Variants in ZNF207 observed in about 807,000 individuals in gnomAD.
ZNF207 encodes the protein zinc finger protein 207, also known as BUB3-interacting and GLEBS motif-containing protein ZNF207.
A neutral mutation model predicts 60.2 loss-of-function variants in ZNF207; 24 were observed. The observed-to-expected ratio is 0.40, with a 90% CI of 0.29 to 0.56. ZNF207 has a LOEUF of 0.56. ZNF207 is among the 20% of genes least tolerant of loss of function. The pLI, the probability that ZNF207 is intolerant of heterozygous loss-of-function variation, is 0.49. For missense variants in ZNF207, 452 were observed against 636.6 expected (o/e 0.71, Z 3.12); for synonymous variants, 236 against 194.7 (o/e 1.21, Z -1.77).
chr17:32,362,967 T>G lies in ZNF207; in HGVS notation c.653T>G (p.Met218Arg). The change falls in exon 7 of 12, where the codon ATG becomes AGG. Residue 218 changes from methionine (M) to arginine (R), a missense_variant. Transcript: ENST00000394670. ...MPPGPGIPPL[M>R]PGMPPGMPPP... is the part of the protein sequence containing the mutation. ...CCTGGACCAGGAATACCACCTCTGATGCCTGGAATGCCACCAGGTATATGT... is the reference window on the plus strand; with the variant it reads ...CCTGGACCAGGAATACCACCTCTGAGGCCTGGAATGCCACCAGGTATATGT... The G allele has an allele frequency of 6.2e-7, 1 of 1,613,362 alleles. No homozygotes were observed. Among genetic ancestry groups the G allele is most frequent in the Non-Finnish European group, 8.5e-7 (1 of 1,179,950 alleles).
chr17:32,367,455 T>A (rs1399825771), intron 9 of ZNF207, among the ~76,000 whole-genome samples: 1 of 151,568 alleles, frequency 6.6e-6, no homozygotes, highest in Non-Finnish European at 1.5e-5. Context: ...TCTAAGATAC[T>A]GTATTTCAGC....
At chr17:32,360,007 A>G (rs1476490270) in intron 3 of ZNF207, among the ~76,000 whole-genome samples, 2 of 152,200 alleles carry the variant, frequency 1.3e-5, no homozygotes, top group East Asian at 1.9e-4. Flanking sequence ...GTATATATGC[A>G]GTACCATTTG....
Position 32,371,266 on chromosome 17 carries a change from A to G in ZNF207, c.*1507A>G, listed in dbSNP as rs529215935. The G allele has an allele frequency of 6.6e-6, 1 of 152,360 alleles. No homozygotes were observed. The highest frequency in any genetic ancestry group is 6.5e-5 in the Admixed American group (1 of 15,304). 9.4% of individuals were successfully genotyped at this position (152,360 alleles called of 1,614,324 possible). Reference sequence around the variant, plus strand: ...TCTAAGAAAATGGTAACATTTCTTTATAACTTTCCTGTGAAGGTATAGATA... The same window carrying G: ...TCTAAGAAAATGGTAACATTTCTTTGTAACTTTCCTGTGAAGGTATAGATA... On this transcript the variant is annotated 3_prime_UTR_variant, in exon 12 of 12. Coordinates refer to ENST00000394670, the MANE Select transcript of ZNF207 (RefSeq NM_001098507.2).
rs941217743 is a variant in ZNF207 at position 32,381,281 on chromosome 17, A to T, written c.*11522A>T. The T allele has an allele frequency of 1.3e-5, 2 of 152,258 alleles. No individual in the cohort carries two copies. Among genetic ancestry groups the T allele is most frequent in the Admixed American group, 6.5e-5 (1 of 15,290 alleles). The allele number at this position is 152,258 out of a possible 1,614,324, so 9.4% of individuals were successfully genotyped here. The stretch of plus-strand genomic sequence containing the variant: ...TCATACAAGGGATATGATTGTAAGG[A>T]GGTCCTGAACAAAGCATGATAAATG... On this transcript the variant is annotated 3_prime_UTR_variant, in exon 12 of 12. Coordinates refer to ENST00000394670, the MANE Select transcript of ZNF207 (RefSeq NM_001098507.2).
Position 32,362,846 on chromosome 17 carries a change from C to G in ZNF207, c.600-68C>G, listed in dbSNP as rs1904960327. 4 of 1,421,046 alleles carry G rather than the reference C, an allele frequency of 2.8e-6. No individual in the cohort carries two copies. The South Asian group carries it at 3.6e-5, about 13-fold the overall frequency. The allele number at this position is 1,421,046 out of a possible 1,614,324, so 88.0% of individuals were successfully genotyped here. The stretch of plus-strand genomic sequence containing the variant: ...TATCTAGTGTTGTTTCAGGCTTTAG[C>G]CAGAATATTTTTTAATGGTTTATGC... On this transcript the variant is annotated intron_variant, in intron 6 of 11. Transcript: ENST00000394670.
At chr17:32,367,087 G>T (rs796134763) in intron 9 of ZNF207, among the ~76,000 whole-genome samples, 2 of 151,206 alleles carry the variant, frequency 1.3e-5, no homozygotes, top group Non-Finnish European at 3.0e-5. Context: ...ATACTGCTTT[G>T]GTTCTAAAGT....
At chr17:32,355,672 A>G (rs191636055) in intron 2 of ZNF207, among the ~76,000 whole-genome samples, 179 of 152,328 alleles carry the variant, frequency 1.2e-3, no homozygotes, top group Non-Finnish European at 2.0e-3. Flanking sequence ...GTTGGAAATT[A>G]GGTGCTCTCT....
chr17:32,367,760 T>G lies in ZNF207; in HGVS notation c.922-12T>G. The G allele has an allele frequency of 6.2e-7, 1 of 1,613,220 alleles. No homozygotes were observed. Among genetic ancestry groups the G allele is most frequent in the Non-Finnish European group, 8.5e-7 (1 of 1,179,584 alleles). ...TTTTGAAGTTTCGTTGATGAAGTAT[T>G]GTATTTTACAGGCTCAGGCAGCTGT... On this transcript the variant is annotated splice_polypyrimidine_tract_variant and intron_variant, in intron 9 of 11. Coordinates refer to ENST00000394670, the MANE Select transcript of ZNF207 (RefSeq NM_001098507.2).
chr17:32,361,602 G>A, intron 6 of ZNF207, 87 bp downstream of exon 6: 2 of 1,263,644 alleles, frequency 1.6e-6, no homozygotes, highest in East Asian at 5.3e-5. Context: ...CTATTCAGTT[G>A]ACTTCAGAAA....
chr17:32,373,376 T>C lies in ZNF207; in HGVS notation c.*3617T>C. ...TTAATTGGGAACTGTTTTTCTAAAA[T>C]TAAAATTTTCTTCTTCCTATAGCCC... On this transcript the variant is annotated 3_prime_UTR_variant, in exon 12 of 12. Transcript: ENST00000394670. 1.5e-6 allele frequency: 1 copy of C among 680,112 alleles called. No individual in the cohort carries two copies. The highest frequency in any genetic ancestry group is 2.7e-6 in the Non-Finnish European group (1 of 376,782). The allele number at this position is 680,112 out of a possible 1,614,324, so 42.1% of individuals were successfully genotyped here. A position where few individuals can be genotyped will look rare whatever the true frequency, so the allele number is the denominator to read the frequency against.
In ZNF207 at chr17:32,367,914, C is replaced by T. The variant is rs1905277196; in HGVS notation, c.1064C>T (p.Thr355Ile). 6.2e-7 allele frequency: 1 copy of T among 1,614,070 alleles called. No homozygotes were observed. The highest frequency in any genetic ancestry group is 8.5e-7 in the Non-Finnish European group (1 of 1,180,048). The change falls in exon 10 of 12, where the codon ACT becomes ATT. Residue 355 changes from threonine to isoleucine, a missense_variant. By Grantham distance (89) the Thr-to-Ile change is moderately conservative. This residue lies in a region of ZNF207 where 390 missense variants were observed against 461.4 expected (regional missense o/e 0.85). Coordinates refer to ENST00000394670, the MANE Select transcript of ZNF207 (RefSeq NM_001098507.2). The part of the protein sequence containing the change: ...TASTTSTTNS[T>I]AAKPAASITS... ...TCAACAACTAGTACAACAAATAGTA[C>T]TGCAGCTAAACCAGCGGCTTCAATA... is the stretch of plus-strand genomic sequence containing the variant.
chr17:32,380,155 C>T lies in ZNF207; in HGVS notation c.*10396C>T, dbSNP rs1280925589. 1.3e-5 allele frequency: 2 copies of T among 152,626 alleles called. No homozygotes were observed. Among genetic ancestry groups the T allele is most frequent in the Non-Finnish European group, 2.9e-5 (2 of 68,018 alleles). 9.5% of individuals were successfully genotyped at this position (152,626 alleles called of 1,614,324 possible). A position where few individuals can be genotyped will look rare whatever the true frequency, so the allele number is the denominator to read the frequency against. ...TAAAGTGAAGTAAATTTCTAAGGAACTGTGTCCTTTCCTAGCAGGAATAAA... is the reference window on the plus strand; with the variant it reads ...TAAAGTGAAGTAAATTTCTAAGGAATTGTGTCCTTTCCTAGCAGGAATAAA... On this transcript the variant is annotated 3_prime_UTR_variant, in exon 12 of 12. Transcript: ENST00000394670.
chr17:32,361,539 A>G (rs1904880973), intron 6 of ZNF207, 24 bp downstream of exon 6: 2 of 1,595,852 alleles, frequency 1.3e-6, no homozygotes, highest in Non-Finnish European at 1.7e-6. Context: ...TCATAATGTA[A>G]TTCAGGAGGT....
intron 6 of ZNF207, 190 bp from the exon 7 acceptor site, chr17:32,362,724 G>C: frequency 2.3e-6 from 1 of 436,680 alleles, no homozygotes. Flanking sequence ...GAGTTTGCTG[G>C]GTTTTAGACA....
In ZNF207 at chr17:32,365,404, C is replaced by G. The variant is rs780974182; in HGVS notation, c.745C>G (p.Leu249Val). 3.7e-6 allele frequency: 6 copies of G among 1,614,036 alleles called. No homozygotes were observed. The highest frequency in any genetic ancestry group is 5.1e-6 in the Non-Finnish European group (6 of 1,180,024). The change falls in exon 8 of 12, where the codon CTT becomes GTT. Residue 249 changes from leucine (L) to valine (V), a missense_variant. Coordinates refer to ENST00000394670, the MANE Select transcript of ZNF207 (RefSeq NM_001098507.2). ...ACAGGCTGTTTCAGCGCCAGGTATT[C>G]TTAATAGACCACCTGCACCAACAGC... ...QAQAVSAPGI[L>V]NRPPAPTATV...
Position 32,362,897 on chromosome 17 carries a change from A to G in ZNF207, c.600-17A>G. The G allele has an allele frequency of 6.2e-7, 1 of 1,611,962 alleles. No homozygotes were observed. The highest frequency in any genetic ancestry group is 8.5e-7 in the Non-Finnish European group (1 of 1,179,140). ...TGTTCATTAACTTACTGTTTCTTGA[A>G]ATTTGCTTTCTAATAGAATGATGCC... On this transcript the variant is annotated splice_polypyrimidine_tract_variant and intron_variant, in intron 6 of 11. Transcript: ENST00000394670.
rs189799975 is a variant in ZNF207 at position 32,351,459 on chromosome 17, C to T, written c.42-327C>T. The T allele has an allele frequency of 1.6e-5, 23 of 1,400,686 alleles. No homozygotes were observed. The East Asian group carries it at 3.2e-4, about 19-fold the overall frequency. 86.8% of individuals were successfully genotyped at this position (1,400,686 alleles called of 1,614,324 possible). A position where few individuals can be genotyped will look rare whatever the true frequency, so the allele number is the denominator to read the frequency against. ...ATTTCTTAACTGAACTCTTTCCTGT[C>T]CTCAGTGTGCATTTGTAAATGTTGA... On this transcript the variant is annotated intron_variant, in intron 1 of 11. Transcript: ENST00000394670.
chr17:32,361,559 C>G (rs912182199), intron 6 of ZNF207, 44 bp downstream of exon 6: 4 of 1,543,432 alleles, frequency 2.6e-6, no homozygotes, highest in Non-Finnish European at 3.5e-6. Context: ...TATAATCATA[C>G]TGTCATTTTT....
chr17:32,360,794 C>G (rs202042542), intron 4 of ZNF207, 29 bp downstream of exon 4: 2 of 1,612,298 alleles, frequency 1.2e-6, no homozygotes, highest in South Asian at 1.1e-5. Flanking sequence ...TAAAATCTAA[C>G]ATTTTTAGGA....
Sources: allele counts gnomAD v4.1 joint callset (sites outside exome capture counted in the v4.1 genomes callset), GRCh38; gene constraint gnomAD v4.1.1; regional missense constraint gnomAD v4.1.1; transcripts MANE v1.5; gene names NCBI Gene and HGNC (gene_info 2026-07-23, HGNC 2026-07-21).